Variants in CDH1 observed in about 807,000 individuals in gnomAD.
CDH1 encodes the protein cadherin-1.
A neutral mutation model predicts 84.5 loss-of-function variants in CDH1; 35 were observed. The observed-to-expected ratio is 0.41, with a 90% confidence interval of 0.32 to 0.55. CDH1 has a LOEUF of 0.55. Among genes scored for constraint, CDH1 ranks in the 20% least tolerant of loss-of-function variants. CDH1 has a pLI of 0.19. For synonymous variants in CDH1, 417 were observed against 439.0 expected, an observed-to-expected ratio of 0.95 and a Z score of 0.63; for missense variants, 994 against 1,126.6, an observed-to-expected ratio of 0.88 and a Z score of 1.68.
At chr16:68,796,930 G>A (rs1338050463) in intron 2 of CDH1, among the ~76,000 whole-genome samples, 4 of 151,816 alleles carry the variant, frequency 2.6e-5, no homozygotes, top group Non-Finnish European at 5.9e-5. Flanking sequence ...TTGAGGCCAG[G>A]AGTTCAAGAC....
At chr16:68,745,543 A>T (rs1406825876) in intron 2 of CDH1, among the ~76,000 whole-genome samples, 18 of 14,296 alleles carry the variant, frequency 1.3e-3, no homozygotes, top group African/African-American at 4.2e-3. Context: ...CAAAAAAAAA[A>T]AAAAAAATAT....
At position 68,737,362 on chromosome 16, in the gene CDH1, G is replaced by GCTCCAGCCCC; in HGVS notation, c.-54_-53insCTCCAGCCCC. ...TTCAGACTCCAGCCCGCTCCAGCCC[G>GCTCCAGCCCC]GCCCGACCCGACCGCACCCGGCGCC... On this transcript the variant is annotated 5_prime_UTR_variant, in exon 1 of 16. Coordinates refer to ENST00000261769, the MANE Select transcript of CDH1 (RefSeq NM_004360.5). 6.7e-7 allele frequency: 1 copy of GCTCCAGCCCC among 1,484,386 alleles called. No homozygotes were observed. Among genetic ancestry groups the GCTCCAGCCCC allele is most frequent in the Non-Finnish European group, 9.0e-7 (1 of 1,106,294 alleles). The allele number at this position is 1,484,386 out of a possible 1,614,324, so 92.0% of individuals were successfully genotyped here.
chr16:68,771,606 G>T (rs568146032), intron 2 of CDH1, among the ~76,000 whole-genome samples: 137 of 152,156 alleles, frequency 9.0e-4, no homozygotes, highest in African/African-American at 2.9e-3. Context: ...ACAAAAATTA[G>T]CTGGGCGTGG....
At chr16:68,801,961 C>G (rs1960529708) in intron 3 of CDH1, 68 bp downstream of exon 3, 5 of 1,305,296 alleles carry the variant, frequency 3.8e-6, no homozygotes, top group Admixed American at 1.7e-5. Flanking sequence ...GTTTCTCAGC[C>G]TTGGTACCGT....
chr16:68,752,530 A>T lies in CDH1; in HGVS notation c.163+14119A>T, dbSNP rs896602487. On this transcript the variant is annotated intron_variant, in intron 2 of 15. Transcript: ENST00000261769. ...GGAATGAATGAATGAGAGGTTTCAG[A>T]GTGTATTTAATACAGACAGGACTAA... 1.9e-4 allele frequency among the ~76,000 whole-genome samples: 28 copies of T among 148,198 alleles called. 1 individual carries two copies. Among genetic ancestry groups the T allele is most frequent in the African/African-American group, 7.0e-4 (28 of 40,088 alleles).
rs1555515262 is a variant in CDH1 at position 68,808,746 on chromosome 16, A to C, written c.585A>C (p.Gln195His). The C allele has an allele frequency of 1.9e-6, 3 of 1,614,214 alleles. No individual in the cohort carries two copies. The highest frequency in any genetic ancestry group is 2.5e-6 in the Non-Finnish European group (3 of 1,180,030). The part of the protein sequence containing the change: ...EGKVFYSITG[Q>H]GADTPPVGVF... ...AGGTTTTCTACAGCATCACTGGCCA[A>C]GGAGCTGACACACCCCCTGTTGGTG... The change falls in exon 5 of 16, where the codon CAA becomes CAC. Residue 195 changes from glutamine (Q) to histidine (H), a missense_variant. Around this residue, in one of 3 missense-constraint regions of CDH1, gnomAD observed 22 missense variants for 50.8 expected, o/e 0.43. Coordinates refer to ENST00000261769, the MANE Select transcript of CDH1 (RefSeq NM_004360.5).
At chr16:68,803,695 T>G (rs1191485962) in intron 3 of CDH1, among the ~76,000 whole-genome samples, 3 of 152,120 alleles carry the variant, frequency 2.0e-5, no homozygotes, top group African/African-American at 4.8e-5. Flanking sequence ...TGAGCCCGGC[T>G]GCAGGGACAG....
chr16:68,815,703 G>A lies in CDH1; in HGVS notation c.1509G>A (p.Gln503=). ...VEVSEDFGVG[Q]EITSYTAQEP... ...TGTCCGAGGACTTTGGCGTGGGCCA[G>A]GAAATCACATCCTACACTGCCCAGG... The change falls in exon 10 of 16, where the codon CAG becomes CAA. Residue 503 remains glutamine, a synonymous_variant. Coordinates refer to ENST00000261769, the MANE Select transcript of CDH1 (RefSeq NM_004360.5). 1 of 1,614,236 alleles carries A rather than the reference G, an allele frequency of 6.2e-7. No individual in the cohort carries two copies. Among genetic ancestry groups the A allele is most frequent in the Non-Finnish European group, 8.5e-7 (1 of 1,180,052 alleles).
chr16:68,754,543 T>C (rs1962972766), intron 2 of CDH1, among the ~76,000 whole-genome samples: 1 of 152,114 alleles, frequency 6.6e-6, no homozygotes, highest in Admixed American at 6.6e-5. Context: ...CACAGGTGTG[T>C]CATGCACACA....
intron 2 of CDH1, among the ~76,000 whole-genome samples, chr16:68,763,781 A>G (rs980531380): frequency 6.6e-6 from 1 of 152,216 alleles, no homozygotes; most frequent in Non-Finnish European, 1.5e-5. Context: ...TCTGTCTTTA[A>G]TGTGCTTCAA....
At chr16:68,792,295 T>C (rs1308824584) in intron 2 of CDH1, among the ~76,000 whole-genome samples, 1 of 150,218 alleles carries the variant, frequency 6.7e-6, no homozygotes, top group East Asian at 1.9e-4. Flanking sequence ...AGTGGCGCAA[T>C]CTTGACTCAC....
At chr16:68,819,945 TC>T (rs1489059114) in intron 11 of CDH1, among the ~76,000 whole-genome samples, 3 of 152,146 alleles carry the variant, frequency 2.0e-5, no homozygotes, top group Non-Finnish European at 4.4e-5. Flanking sequence ...ACACCTGTAA[TC>T]CCAGCACTTA....
At chr16:68,819,186 A>G in intron 10 of CDH1, 94 bp from the exon 11 acceptor site, 1 of 1,413,644 alleles carries the variant, frequency 7.1e-7, no homozygotes, top group East Asian at 2.3e-5. Flanking sequence ...AAAACGTTGG[A>G]AGTAACCATA....
chr16:68,823,534 C>A lies in CDH1; in HGVS notation c.2072C>A (p.Ala691Asp), dbSNP rs569086883. 7 of 1,613,966 alleles carry A rather than the reference C, an allele frequency of 4.3e-6. No homozygotes were observed. In the African/African-American group the frequency reaches 9.3e-5, roughly 22 times the overall value. The change falls in exon 13 of 16, where the codon GCC (alanine) becomes GAC (aspartate). Residue 691 changes from alanine (A) to aspartate (D), a missense_variant. Physicochemically the swap from Ala to Asp is moderately radical, Grantham distance 126. Coordinates refer to ENST00000261769, the MANE Select transcript of CDH1 (RefSeq NM_004360.5). Reference sequence around the variant, plus strand: ...GTCAGCGTGTGTGACTGTGAAGGGGCCGCTGGCGTCTGTAGGAAGGCACAG... The same window carrying A: ...GTCAGCGTGTGTGACTGTGAAGGGGACGCTGGCGTCTGTAGGAAGGCACAG... Reference protein sequence around the residue: ...LEVSVCDCEGAAGVCRKAQPV... With the variant: ...LEVSVCDCEGDAGVCRKAQPV...
chr16:68,738,489 C>G (rs1375496179), intron 2 of CDH1, 78 bp downstream of exon 2: 1 of 977,104 alleles, frequency 1.0e-6, no homozygotes, highest in Admixed American at 2.4e-5. Flanking sequence ...CTCCCACACC[C>G]CTGGGTTGCA....
intron 3 of CDH1, among the ~76,000 whole-genome samples, chr16:68,806,186 C>T (rs1356432329): frequency 1.3e-5 from 2 of 151,328 alleles, no homozygotes; most frequent in Non-Finnish European, 2.9e-5. Context: ...GAATCTCTCT[C>T]TGTCATCCAG....
At chr16:68,769,147 T>C (rs1959471527) in intron 2 of CDH1, among the ~76,000 whole-genome samples, 1 of 152,200 alleles carries the variant, frequency 6.6e-6, no homozygotes, top group Non-Finnish European at 1.5e-5. Context: ...GTTTTGTTCA[T>C]TGCTGTACTT....
chr16:68,802,021 T>C lies in CDH1; in HGVS notation c.387+128T>C, dbSNP rs910326347. ...GTGTTGTAGGGGTTGTCCTGTGCACTGTGTAGGATGTTTAGCAAGCATCCC... is the reference window on the plus strand; with the variant it reads ...GTGTTGTAGGGGTTGTCCTGTGCACCGTGTAGGATGTTTAGCAAGCATCCC... On this transcript the variant is annotated intron_variant, in intron 3 of 15. Transcript: ENST00000261769. 9.0e-6 allele frequency: 7 copies of C among 781,256 alleles called. No individual in the cohort carries two copies. In the African/African-American group the frequency reaches 1.2e-4, roughly 13 times the overall value. 48.4% of individuals were successfully genotyped at this position (781,256 alleles called of 1,614,324 possible).
chr16:68,780,351 G>A (rs1959841122), intron 2 of CDH1, among the ~76,000 whole-genome samples: 1 of 151,986 alleles, frequency 6.6e-6, no homozygotes. Context: ...ACCCAGGTTG[G>A]AGTGCAGTGG....
Sources: allele counts gnomAD v4.1 joint callset (sites outside exome capture counted in the v4.1 genomes callset), GRCh38; gene constraint gnomAD v4.1.1; regional missense constraint gnomAD v4.1.1; transcripts MANE v1.5; gene names NCBI Gene and HGNC (gene_info 2026-07-23, HGNC 2026-07-21).